Variants in FHIT observed in about 807,000 individuals in gnomAD.
FHIT encodes fragile histidine triad diadenosine triphosphatase.
A neutral mutation model predicts 17.9 loss-of-function variants in FHIT; 19 were observed. The ratio of observed to expected loss-of-function variants is 1.06; its 90% CI spans 0.74 to 1.56. FHIT has a LOEUF of 1.56. FHIT is among the 40% of genes most tolerant of loss of function. The pLI is 0.00. For missense variants in FHIT, 248 were observed against 189.2 expected (o/e 1.31, Z -1.82); for synonymous variants, 81 against 69.7 (o/e 1.16, Z -0.81).
rs190118974 is a variant in FHIT at position 60,319,820 on chromosome 3, T to A, written c.103+217040A>T. On this transcript the variant is annotated intron_variant, in intron 5 of 9. Transcript: ENST00000492590. ...GGGTTGCCGACTTTTGGTCTTTTCA[T>A]GCCAGGATGGACTCCTGGTTCTGAG... 3.3e-5 allele frequency among the ~76,000 whole-genome samples: 5 copies of A among 152,272 alleles called. No homozygotes were observed. In the East Asian group the frequency reaches 9.7e-4, roughly 29 times the overall value.
intron 4 of FHIT, among the ~76,000 whole-genome samples, chr3:60,789,934 T>C (rs1282283416): frequency 1.3e-5 from 2 of 152,230 alleles, no homozygotes; most frequent in African/African-American, 4.8e-5. Context: ...AGAAACCACT[T>C]CACAGTTTTC....
chr3:60,594,750 T>C (rs975836854), intron 4 of FHIT, among the ~76,000 whole-genome samples: 1 of 152,122 alleles, frequency 6.6e-6, no homozygotes, highest in Non-Finnish European at 1.5e-5. Flanking sequence ...TTCTTCTCAT[T>C]TGCATTGCTT....
intron 1 of FHIT, among the ~76,000 whole-genome samples, chr3:61,249,074 A>G (rs2040551472): frequency 6.6e-6 from 1 of 152,238 alleles, no homozygotes. Context: ...CCAATAATAA[A>G]TAAGATAATT....
At chr3:61,211,675 G>C (rs539627526) in intron 1 of FHIT, among the ~76,000 whole-genome samples, 5 of 152,260 alleles carry the variant, frequency 3.3e-5, no homozygotes, top group Non-Finnish European at 7.3e-5. Context: ...CACGCAGCCA[G>C]AGATCTGAGA....
intron 7 of FHIT, among the ~76,000 whole-genome samples, chr3:59,981,371 G>A (rs1215356215): frequency 6.6e-6 from 1 of 152,094 alleles, no homozygotes; most frequent in Non-Finnish European, 1.5e-5. Context: ...CTGATTAGCT[G>A]GTTTCATAAG....
At chr3:60,112,749 C>G (rs996218519) in intron 5 of FHIT, among the ~76,000 whole-genome samples, 5 of 152,168 alleles carry the variant, frequency 3.3e-5, no homozygotes, top group Non-Finnish European at 5.9e-5. Flanking sequence ...TACGAAAATA[C>G]CAGCTTCCTG....
chr3:60,463,334 T>C, intron 5 of FHIT, among the ~76,000 whole-genome samples: 1 of 152,226 alleles, frequency 6.6e-6, no homozygotes. Context: ...TCTATACTTA[T>C]TTCCCTAAAG....
intron 5 of FHIT, among the ~76,000 whole-genome samples, chr3:60,107,716 T>C (rs1404844915): frequency 6.6e-6 from 1 of 152,222 alleles, no homozygotes; most frequent in Non-Finnish European, 1.5e-5. Context: ...ACTTAAGCTT[T>C]GCAAGCCAAG....
At chr3:60,877,764 C>A (rs545939850) in intron 3 of FHIT, among the ~76,000 whole-genome samples, 1 of 152,108 alleles carries the variant, frequency 6.6e-6, no homozygotes, top group South Asian at 2.1e-4. Context: ...CAATCTAGTA[C>A]CCTGCTTTCC....
Position 61,178,221 on chromosome 3 carries a change from T to C in FHIT, c.-164+22396A>G, listed in dbSNP as rs1225751858. On this transcript the variant is annotated intron_variant, in intron 2 of 9. Transcript: ENST00000492590. ...GTGCCAGGCACTGGGTTTCATTCTG[T>C]TGAATGAAACCATTACTGGACTCCC... is the stretch of plus-strand genomic sequence containing the variant. Among the ~76,000 whole-genome samples, 3 of 152,074 alleles carry C rather than the reference T, an allele frequency of 2.0e-5. 1 individual carries two copies. The highest frequency in any genetic ancestry group is 4.2e-4 in the South Asian group (2 of 4,818).
intron 5 of FHIT, among the ~76,000 whole-genome samples, chr3:60,255,888 C>T (rs956013505): frequency 1.3e-5 from 2 of 152,078 alleles, no homozygotes; most frequent in Non-Finnish European, 2.9e-5. Flanking sequence ...AAACAACAAA[C>T]TGGTGTTCAT....
chr3:60,582,321 G>A (rs986835552), intron 4 of FHIT, among the ~76,000 whole-genome samples: 5 of 152,104 alleles, frequency 3.3e-5, no homozygotes, highest in Non-Finnish European at 5.9e-5. Flanking sequence ...GAATGCCCTC[G>A]TCAGAGCAGA....
At chr3:61,072,554 C>T (rs893734243) in intron 2 of FHIT, among the ~76,000 whole-genome samples, 3 of 152,114 alleles carry the variant, frequency 2.0e-5, no homozygotes, top group African/African-American at 7.2e-5. Context: ...TATAGCCAAA[C>T]TTGGACCATT....
At chr3:60,267,933 A>G (rs1019975606) in intron 5 of FHIT, among the ~76,000 whole-genome samples, 1 of 152,206 alleles carries the variant, frequency 6.6e-6, no homozygotes, top group African/African-American at 2.4e-5. Flanking sequence ...TAAAAGTGCT[A>G]AACTATAAAT....
intron 4 of FHIT, among the ~76,000 whole-genome samples, chr3:60,604,922 G>GA (rs1553670491): frequency 6.6e-6 from 1 of 152,108 alleles, no homozygotes; most frequent in African/African-American, 2.4e-5. Flanking sequence ...AGCATTGAAG[G>GA]GATCAGTAAC....
At chr3:60,111,838 C>G (rs1221020969) in intron 5 of FHIT, among the ~76,000 whole-genome samples, 3 of 152,154 alleles carry the variant, frequency 2.0e-5, no homozygotes, top group Non-Finnish European at 4.4e-5. Flanking sequence ...CCAAGGCCTC[C>G]CAGGCATCTC....
At chr3:59,867,604 C>T (rs1438838912) in intron 8 of FHIT, among the ~76,000 whole-genome samples, 1 of 151,926 alleles carries the variant, frequency 6.6e-6, no homozygotes, top group Non-Finnish European at 1.5e-5. Flanking sequence ...CCTTTTTCTG[C>T]TTGTGTGATT....
At chr3:60,337,258 C>T (rs551419788) in intron 5 of FHIT, among the ~76,000 whole-genome samples, 116 of 151,584 alleles carry the variant, frequency 7.7e-4, no homozygotes, top group Middle Eastern at 3.4e-3. Flanking sequence ...TTTTTTTCCG[C>T]CCACTAGGAA....
intron 8 of FHIT, among the ~76,000 whole-genome samples, chr3:59,909,573 G>A (rs906152847): frequency 9.9e-5 from 15 of 152,104 alleles, no homozygotes; most frequent in South Asian, 4.1e-4. Context: ...CAAGTGATCC[G>A]TCCGCCTCTA....
Sources: allele counts gnomAD v4.1 joint callset (sites outside exome capture counted in the v4.1 genomes callset), GRCh38; gene constraint gnomAD v4.1.1; transcripts MANE v1.5; gene names NCBI Gene and HGNC (gene_info 2026-07-23, HGNC 2026-07-21).